RYR3: variants seen among roughly 807,000 people sequenced by gnomAD.
RYR3 encodes the protein brain ryanodine receptor-calcium release channel.
In RYR3, 207 loss-of-function variants were observed where a neutral mutation model predicts 584.3. The observed-to-expected ratio is 0.35, with a 90% CI of 0.32 to 0.40. The LOEUF is 0.40. RYR3 is among the 10% of genes least tolerant of loss of function. The probability of loss-of-function intolerance (pLI) is 1.00; values close to 1 mark genes in which losing one functional copy is unlikely to be tolerated. For missense variants in RYR3, 5,616 were observed against 6,089.2 expected (o/e 0.92, Z 2.59); for synonymous variants, 2,416 against 2,248.5 (o/e 1.07, Z -2.11).
chr15:33,822,892 C>A, intron 80 of RYR3, 104 bp from the exon 81 acceptor site: 2 of 800,298 alleles, frequency 2.5e-6, no homozygotes, highest in Non-Finnish European at 3.9e-6. Flanking sequence ...ATAAGCAGAG[C>A]GTCCAACTCA....
chr15:33,496,298 T>C (rs968670854), intron 2 of RYR3, among the ~76,000 whole-genome samples: 1 of 152,148 alleles, frequency 6.6e-6, no homozygotes, highest in African/African-American at 2.4e-5. Flanking sequence ...CCAGCAGACA[T>C]AATGCCCCTG....
Position 33,843,592 on chromosome 15 carries a change from G to A in RYR3, c.13296+18G>A, listed in dbSNP as rs751429318. Reference sequence around the variant, plus strand: ...TTTATAAGGTGATACTTCATTCAGGGGTTATTTGCTAAATATGCTGTATAC... The same window carrying A: ...TTTATAAGGTGATACTTCATTCAGGAGTTATTTGCTAAATATGCTGTATAC... On this transcript the variant is annotated intron_variant, in intron 92 of 103. Coordinates refer to ENST00000634891, the MANE Select transcript of RYR3 (RefSeq NM_001036.6). 6.7e-7 allele frequency: 1 copy of A among 1,498,284 alleles called. No homozygotes were observed. The highest frequency in any genetic ancestry group is 1.2e-5 in the South Asian group (1 of 84,138). 92.8% of individuals were successfully genotyped at this position (1,498,284 alleles called of 1,614,324 possible). A position where few individuals can be genotyped will look rare whatever the true frequency, so the allele number is the denominator to read the frequency against.
At chr15:33,730,236 T>A (rs2068833341) in intron 47 of RYR3, among the ~76,000 whole-genome samples, 1 of 152,060 alleles carries the variant, frequency 6.6e-6, no homozygotes, top group Admixed American at 6.5e-5. Context: ...CCAAGCTTCC[T>A]GATCAAATAA....
chr15:33,789,622 TTTTATATATATATATATATATATATA>T (rs1291492682), intron 67 of RYR3, among the ~76,000 whole-genome samples: 343 of 32,380 alleles, frequency 0.011, 9 homozygotes, highest in African/African-American at 0.028. Context: ...CCAGGTTTTA[TTTTATATATATATATATATATATATA>T]TATATATATA....
At chr15:33,530,263 T>G (rs563630176) in intron 3 of RYR3, among the ~76,000 whole-genome samples, 1 of 152,202 alleles carries the variant, frequency 6.6e-6, no homozygotes, top group African/African-American at 2.4e-5. Flanking sequence ...CTCTGAACGC[T>G]TCTGAGAAGT....
intron 90 of RYR3, 185 bp from the exon 91 acceptor site, chr15:33,841,679 A>T: frequency 3.5e-6 from 2 of 574,834 alleles, no homozygotes; most frequent in Non-Finnish European, 6.1e-6. Context: ...ATCATGGCTC[A>T]TCCTCATTGA....
At chr15:33,617,046 T>A (rs1388451505) in intron 19 of RYR3, among the ~76,000 whole-genome samples, 2 of 152,214 alleles carry the variant, frequency 1.3e-5, no homozygotes, top group Non-Finnish European at 2.9e-5. Context: ...CTGTACTACT[T>A]TAGTTCAGTT....
At chr15:33,755,558 G>GTTGCAGTGA (rs2071735506) in intron 58 of RYR3, among the ~76,000 whole-genome samples, 1 of 152,144 alleles carries the variant, frequency 6.6e-6, no homozygotes, top group African/African-American at 2.4e-5. Context: ...GGAGGCAGAG[G>GTTGCAGTGA]TTGCAGTGAG....
chr15:33,526,865 G>A (rs2054434440), intron 3 of RYR3, among the ~76,000 whole-genome samples: 1 of 152,176 alleles, frequency 6.6e-6, no homozygotes, highest in African/African-American at 2.4e-5. Flanking sequence ...ATGTGACAGA[G>A]TAAGGATGAT....
chr15:33,604,677 C>T (rs760395439), intron 18 of RYR3, among the ~76,000 whole-genome samples: 1 of 152,178 alleles, frequency 6.6e-6, no homozygotes, highest in Non-Finnish European at 1.5e-5. Flanking sequence ...CTTGTGCTCT[C>T]ATCCTCCCAA....
Position 33,826,763 on chromosome 15 carries a change from C to T in RYR3, c.11245+11C>T. The T allele has an allele frequency of 6.3e-7, 1 of 1,584,534 alleles. No homozygotes were observed. The highest frequency in any genetic ancestry group is 1.4e-5 in the African/African-American group (1 of 70,874). On this transcript the variant is annotated intron_variant, in intron 84 of 103. Coordinates refer to ENST00000634891, the MANE Select transcript of RYR3 (RefSeq NM_001036.6). ...AGGGACATAACAGTGGTGAGTGGAA[C>T]AGATTGATCTGCCAAGGAAACACAG...
intron 16 of RYR3, among the ~76,000 whole-genome samples, chr15:33,590,713 A>C (rs2059089819): frequency 6.6e-6 from 1 of 151,084 alleles, no homozygotes; most frequent in Non-Finnish European, 1.5e-5. Context: ...AGTGTTTCGC[A>C]GACTGGAATT....
intron 5 of RYR3, among the ~76,000 whole-genome samples, chr15:33,535,471 T>G (rs1407214313): frequency 6.6e-6 from 1 of 152,218 alleles, no homozygotes; most frequent in African/African-American, 2.4e-5. Context: ...AGCCAAAGTG[T>G]TAGTCTTAAA....
At chr15:33,841,124 G>A (rs1357388439) in intron 90 of RYR3, among the ~76,000 whole-genome samples, 1 of 152,120 alleles carries the variant, frequency 6.6e-6, no homozygotes, top group Non-Finnish European at 1.5e-5. Context: ...GGCTGAGGTG[G>A]GAGGATTGCT....
chr15:33,600,563 T>C (rs73388639), intron 16 of RYR3, among the ~76,000 whole-genome samples: 8,916 of 152,022 alleles, frequency 0.059, 824 homozygotes, highest in African/African-American at 0.2. Context: ...AGAGACTGTT[T>C]TGCAGCTGCC....
chr15:33,719,220 C>G (rs895594878), intron 43 of RYR3, among the ~76,000 whole-genome samples: 2 of 152,214 alleles, frequency 1.3e-5, no homozygotes, highest in South Asian at 2.1e-4. Context: ...AATCAAGGGC[C>G]GGCTTCCTGG....
rs2596221 is a variant in RYR3 at position 33,423,742 on chromosome 15, T to C, written c.52-49677T>C. Among the ~76,000 whole-genome samples, 648 of 152,296 alleles carry C rather than the reference T, an allele frequency of 4.3e-3. 5 individuals carry two copies. Among genetic ancestry groups the C allele is most frequent in the African/African-American group, 0.015 (609 of 41,558 alleles). On this transcript the variant is annotated intron_variant, in intron 1 of 103. Coordinates refer to ENST00000634891, the MANE Select transcript of RYR3 (RefSeq NM_001036.6). ...TCTTATGCACCCTGGATTTGGAATATGCAAAAATATTTTGTAGTGAGTAAT... is the reference window on the plus strand; with the variant it reads ...TCTTATGCACCCTGGATTTGGAATACGCAAAAATATTTTGTAGTGAGTAAT...
intron 67 of RYR3, among the ~76,000 whole-genome samples, chr15:33,798,367 A>G (rs1442435981): frequency 6.6e-6 from 1 of 152,228 alleles, no homozygotes; most frequent in African/African-American, 2.4e-5. Flanking sequence ...CTGGGATTAC[A>G]GGTGTGAGCC....
rs554708668 is a variant in RYR3, at chr15:33,419,961, C to T, written c.52-53458C>T. ...TATGCCAAGCACACTTGAGAACTTT[C>T]GTATTTTGCAGCTGAAGTACAACAC... On this transcript the variant is annotated intron_variant, in intron 1 of 103. Coordinates refer to ENST00000634891, the MANE Select transcript of RYR3 (RefSeq NM_001036.6). 3.3e-5 allele frequency among the ~76,000 whole-genome samples: 5 copies of T among 152,308 alleles called. No individual in the cohort carries two copies. In the East Asian group the frequency reaches 7.7e-4, roughly 23 times the overall value.
Sources: allele counts gnomAD v4.1 joint callset (sites outside exome capture counted in the v4.1 genomes callset), GRCh38; gene constraint gnomAD v4.1.1; transcripts MANE v1.5; gene names NCBI Gene and HGNC (gene_info 2026-07-23, HGNC 2026-07-21).